The following ABCA1 variants were observed in gnomAD, a reference collection of about 807,000 sequenced individuals.
ABCA1 encodes phospholipid-transporting ATPase ABCA1.
A neutral mutation model predicts 262.5 loss-of-function variants in ABCA1; 133 were observed. The observed-to-expected ratio is 0.51, with a 90% CI of 0.44 to 0.59. The LOEUF (loss-of-function observed/expected upper bound fraction) is 0.59. ABCA1 is among the 20% of genes least tolerant of loss of function. The probability of loss-of-function intolerance (pLI) is 0.00; values close to 1 mark genes in which losing one functional copy is unlikely to be tolerated. For synonymous variants in ABCA1, 1,022 were observed against 1,043.5 expected, an observed-to-expected ratio of 0.98 and a Z score of 0.40; for missense variants, 2,452 against 2,777.5, an observed-to-expected ratio of 0.88 and a Z score of 2.63.
chr9:104,886,483 G>A (rs1839186453), intron 3 of ABCA1, among the ~76,000 whole-genome samples: 1 of 152,156 alleles, frequency 6.6e-6, no homozygotes, highest in Non-Finnish European at 1.5e-5. Context: ...ATAGTTCAAG[G>A]AAAACCAAAC....
chr9:104,829,237 C>A, intron 14 of ABCA1, 99 bp from the exon 15 acceptor site: 1 of 1,170,176 alleles, frequency 8.5e-7, no homozygotes, highest in South Asian at 1.3e-5. Flanking sequence ...GGGAGCACCA[C>A]ATCTGGGCCA....
Position 104,825,810 on chromosome 9 carries a change from C to T in ABCA1, c.2415G>A (p.Gln805=). ...CAGGACTCTCAAACAGGTTGTCCCA[C>T]TGCACTCCAATGCCCTGCTCCTCAA... ...ALFEEQGIGV[Q]WDNLFESPVE... Residue 805 remains glutamine, a synonymous_variant, in exon 17 of 50, where the codon CAG becomes CAA. Transcript: ENST00000374736. 1 of 1,614,232 alleles carries T rather than the reference C, an allele frequency of 6.2e-7. No individual in the cohort carries two copies. The highest frequency in any genetic ancestry group is 8.5e-7 in the Non-Finnish European group (1 of 1,180,034).
At chr9:104,807,063 G>A (rs532977193) in intron 30 of ABCA1, among the ~76,000 whole-genome samples, 1 of 152,246 alleles carries the variant, frequency 6.6e-6, no homozygotes, top group South Asian at 2.1e-4. Context: ...CTATTTTTTA[G>A]GAATAATAGG....
At chr9:104,895,874 A>C (rs1308009832) in intron 2 of ABCA1, among the ~76,000 whole-genome samples, 1 of 152,226 alleles carries the variant, frequency 6.6e-6, no homozygotes, top group African/African-American at 2.4e-5. Context: ...GGGCAGCGCA[A>C]GGGCCATGTA....
At chr9:104,793,909 T>C (rs1236021718) in intron 40 of ABCA1, among the ~76,000 whole-genome samples, 1 of 152,222 alleles carries the variant, frequency 6.6e-6, no homozygotes, top group Non-Finnish European at 1.5e-5. Flanking sequence ...AGAAATATTT[T>C]TAACCATTCT....
chr9:104,855,492 A>G, intron 7 of ABCA1: 1 of 579,590 alleles, frequency 1.7e-6, no homozygotes, highest in South Asian at 3.0e-5. Flanking sequence ...GATGTGAGCC[A>G]CTGTGCCTGG....
chr9:104,834,094 T>C (rs921130774), intron 11 of ABCA1, among the ~76,000 whole-genome samples: 1 of 149,776 alleles, frequency 6.7e-6, no homozygotes, highest in Non-Finnish European at 1.5e-5. Context: ...TATAAGCTTT[T>C]CCCCCCTTGC....
rs1832175868 is a variant in ABCA1, at chr9:104,820,082, A to G, written c.2961-13T>C. Reference sequence around the variant, plus strand: ...TTCGACAGTCAGCCTGGGGACAGGGAGGCAGGTCAGCTCTGGGCCCTACTG... The same window carrying G: ...TTCGACAGTCAGCCTGGGGACAGGGGGGCAGGTCAGCTCTGGGCCCTACTG... On this transcript the variant is annotated splice_polypyrimidine_tract_variant and intron_variant, in intron 20 of 49. Coordinates refer to ENST00000374736, the MANE Select transcript of ABCA1 (RefSeq NM_005502.4). 5.0e-6 allele frequency: 8 copies of G among 1,614,122 alleles called. No homozygotes were observed. The highest frequency in any genetic ancestry group is 6.8e-6 in the Non-Finnish European group (8 of 1,180,036).
In ABCA1 at chr9:104,883,060, G is replaced by C. The variant is rs763565713; in HGVS notation, c.400C>G (p.Gln134Glu). 9 of 1,613,730 alleles carry C rather than the reference G, an allele frequency of 5.6e-6. No homozygotes were observed. Among genetic ancestry groups the C allele is most frequent in the Middle Eastern group, 1.6e-4 (1 of 6,084 alleles). ...DMRKVLRTLQ[Q>E]IKKSSSNLKL... ...TTACTTGAGCTGGATTTCTTGATCT[G>C]CTGTAATGTTCTCAGAACTTTGCGC... The change falls in exon 5 of 50, where the codon CAG (glutamine) becomes GAG (glutamate). Residue 134 changes from glutamine (Q) to glutamate (E), a missense_variant. This residue lies in a region of ABCA1 where 1,032 missense variants were observed against 1,089.7 expected (regional missense o/e 0.95). Transcript: ENST00000374736.
chr9:104,834,299 A>C (rs1208197107), intron 11 of ABCA1, among the ~76,000 whole-genome samples: 1 of 149,694 alleles, frequency 6.7e-6, no homozygotes, highest in Non-Finnish European at 1.5e-5. Flanking sequence ...GGGTGGGTGG[A>C]ATGGAGGTAC....
chr9:104,814,485 G>T lies in ABCA1; in HGVS notation c.3739-10C>A. On this transcript the variant is annotated splice_polypyrimidine_tract_variant and intron_variant, in intron 25 of 49. Transcript: ENST00000374736. ...CCACCTTGAGGAATATCTGGAAAAT[G>T]AGAGAGATGAGAACATTATAAGCAC... 1 of 1,613,768 alleles carries T rather than the reference G, an allele frequency of 6.2e-7. No homozygotes were observed. The highest frequency in any genetic ancestry group is 8.5e-7 in the Non-Finnish European group (1 of 1,179,666).
At chr9:104,831,484 A>G (rs914621849) in intron 13 of ABCA1, 138 bp downstream of exon 13, 9 of 722,706 alleles carry the variant, frequency 1.2e-5, no homozygotes, top group Non-Finnish European at 1.6e-5. Context: ...CACCAAAATC[A>G]TGACACCAAG....
chr9:104,791,932 T>G lies in ABCA1; in HGVS notation c.5820+4A>C. ...CAAACGCAATATAGACAAAGTGTCT[T>G]TACCTCACCAGGAGGAATGCCCACG... is the stretch of plus-strand genomic sequence containing the variant. On this transcript the variant is annotated splice_donor_region_variant and intron_variant, in intron 43 of 49. Coordinates refer to ENST00000374736, the MANE Select transcript of ABCA1 (RefSeq NM_005502.4). The G allele has an allele frequency of 6.2e-7, 1 of 1,613,262 alleles. No homozygotes were observed. Among genetic ancestry groups the G allele is most frequent in the Non-Finnish European group, 8.5e-7 (1 of 1,179,534 alleles).
chr9:104,862,919 CAT>C (rs1234524336), intron 5 of ABCA1, among the ~76,000 whole-genome samples: 1 of 151,108 alleles, frequency 6.6e-6, no homozygotes, highest in Non-Finnish European at 1.5e-5. Flanking sequence ...AAACATAAAA[CAT>C]GTGATACAAA....
rs1376704110 is a variant in ABCA1, at chr9:104,817,772, T to G, written c.3463-368A>C. Among the ~76,000 whole-genome samples the G allele has an allele frequency of 6.6e-6, 1 of 152,342 alleles. No individual in the cohort carries two copies. Among genetic ancestry groups the G allele is most frequent in the South Asian group, 2.1e-4 (1 of 4,830 alleles). ...TGTGTTCAACCACTCAAGAACCTTG[T>G]TAAAATGCACAGATTCTGATTCGGT... On this transcript the variant is annotated intron_variant, in intron 23 of 49. Coordinates refer to ENST00000374736, the MANE Select transcript of ABCA1 (RefSeq NM_005502.4). The surrounding 1 kb of genome is among the most constrained non-coding windows in gnomAD (Gnocchi z 4.7).
rs1388026441 is a variant in ABCA1 at position 104,802,049 on chromosome 9, T to G, written c.4698+5A>C. The G allele has an allele frequency of 1.9e-6, 3 of 1,613,786 alleles. No individual in the cohort carries two copies. The African/African-American group carries it at 4.0e-5, about 22-fold the overall frequency. On this transcript the variant is annotated splice_donor_5th_base_variant and intron_variant, in intron 34 of 49. Coordinates refer to ENST00000374736, the MANE Select transcript of ABCA1 (RefSeq NM_005502.4). Reference sequence around the variant, plus strand: ...TTCTGATACATCTTACGATAGATATTTTACCTTGGCCAGCTTTAGGTGTTT... The same window carrying G: ...TTCTGATACATCTTACGATAGATATGTTACCTTGGCCAGCTTTAGGTGTTT...
At chr9:104,883,264 C>A in intron 4 of ABCA1, 107 bp from the exon 5 acceptor site, 4 of 965,218 alleles carry the variant, frequency 4.1e-6, no homozygotes, top group Non-Finnish European at 6.7e-6. Flanking sequence ...GCTCCCAGGT[C>A]CTCCACAGGC....
At chr9:104,905,237 C>T (rs771773246) in intron 1 of ABCA1, among the ~76,000 whole-genome samples, 10 of 152,244 alleles carry the variant, frequency 6.6e-5, no homozygotes, top group Non-Finnish European at 1.3e-4. Flanking sequence ...AATGCAGTAG[C>T]GAGGTATGGA....
At chr9:104,899,856 G>T (rs1840522186) in intron 2 of ABCA1, among the ~76,000 whole-genome samples, 1 of 152,172 alleles carries the variant, frequency 6.6e-6, no homozygotes, top group Non-Finnish European at 1.5e-5. Flanking sequence ...CCTAAAACCA[G>T]ATGAGGATCG....
Sources: gnomAD v4.1 joint callset for allele counts (sites outside exome capture counted in the v4.1 genomes callset) on GRCh38, gnomAD v4.1.1 for gene constraint, gnomAD v4.1.1 regional missense constraint, Gnocchi (gnomAD v3.1) non-coding constraint, MANE v1.5 for transcripts, NCBI Gene and HGNC (gene_info 2026-07-23, HGNC 2026-07-21) for gene names.